The following FNBP1L variants were observed in gnomAD, a reference collection of about 807,000 sequenced individuals.
FNBP1L encodes formin binding protein 1 like.
FNBP1L carries 36 observed loss-of-function variants against 91.2 expected under a neutral mutation model. The ratio of observed to expected loss-of-function variants is 0.39; its 90% CI spans 0.30 to 0.52. FNBP1L has a LOEUF of 0.52. Among genes scored for constraint, FNBP1L ranks in the 20% least tolerant of loss-of-function variants. The pLI, the probability that FNBP1L is intolerant of heterozygous loss-of-function variation, is 0.66. For missense variants in FNBP1L, 571 were observed against 732.1 expected (o/e 0.78, Z 2.54); for synonymous variants, 242 against 237.0 (o/e 1.02, Z -0.19).
chr1:93,475,889 C>G (rs1195973935), intron 1 of FNBP1L, among the ~76,000 whole-genome samples: 5 of 152,094 alleles, frequency 3.3e-5, no homozygotes, highest in African/African-American at 1.2e-4. Context: ...ATTGTGAAAT[C>G]AGAAATTCTT....
chr1:93,545,639 G>T (rs1191817060), intron 12 of FNBP1L, among the ~76,000 whole-genome samples: 2 of 152,102 alleles, frequency 1.3e-5, no homozygotes, highest in Non-Finnish European at 2.9e-5. Context: ...TGTGATAAAA[G>T]ATAATTGAAA....
Position 93,524,328 on chromosome 1 carries a change from G to A in FNBP1L, c.405+5G>A. On this transcript the variant is annotated splice_donor_5th_base_variant and intron_variant, in intron 5 of 16. Transcript: ENST00000271234. The stretch of plus-strand genomic sequence containing the variant: ...TGCTGGAAACAGATGGATAATGTGA[G>A]TTATGACATTTTCATGGTTAACATA... 6.7e-7 allele frequency: 1 copy of A among 1,487,888 alleles called. No homozygotes were observed. The highest frequency in any genetic ancestry group is 1.4e-5 in the South Asian group (1 of 70,446). 92.2% of individuals were successfully genotyped at this position (1,487,888 alleles called of 1,614,324 possible). A position where few individuals can be genotyped will look rare whatever the true frequency, so the allele number is the denominator to read the frequency against.
At chr1:93,515,314 G>A (rs1448281924) in intron 2 of FNBP1L, among the ~76,000 whole-genome samples, 1 of 151,304 alleles carries the variant, frequency 6.6e-6, no homozygotes, top group Non-Finnish European at 1.5e-5. Flanking sequence ...TACACTGTTG[G>A]TGGGACTGTA....
At chr1:93,516,362 A>C (rs768577691) in intron 2 of FNBP1L, among the ~76,000 whole-genome samples, 1 of 152,118 alleles carries the variant, frequency 6.6e-6, no homozygotes. Context: ...TACCTGTTAA[A>C]AGCTCCCTCC....
At chr1:93,462,215 T>TA (rs1668892843) in intron 1 of FNBP1L, among the ~76,000 whole-genome samples, 1 of 152,242 alleles carries the variant, frequency 6.6e-6, no homozygotes, top group African/African-American at 2.4e-5. Context: ...CTTAGTCACC[T>TA]AAATATAATA....
At chr1:93,465,451 G>C (rs1376377761) in intron 1 of FNBP1L, among the ~76,000 whole-genome samples, 3 of 151,884 alleles carry the variant, frequency 2.0e-5, no homozygotes, top group Non-Finnish European at 2.9e-5. Flanking sequence ...AGAACATGTG[G>C]TGTTTGGTTT....
chr1:93,542,766 TTTTC>T (rs1204627664), intron 11 of FNBP1L, among the ~76,000 whole-genome samples: 2 of 150,136 alleles, frequency 1.3e-5, no homozygotes, highest in Non-Finnish European at 3.0e-5. Flanking sequence ...TTCTTTTTTC[TTTTC>T]TTTACCTTTT....
At position 93,532,866 on chromosome 1, in the gene FNBP1L, T is replaced by C. The variant is rs957112860; in HGVS notation, c.640-56T>C. On this transcript the variant is annotated intron_variant, in intron 7 of 16. Transcript: ENST00000271234. Reference sequence around the variant, plus strand: ...GATGGGGGATCACTAATTGAACTCCTTTAGAATGATTGAAAAATTCAGTTT... The same window carrying C: ...GATGGGGGATCACTAATTGAACTCCCTTAGAATGATTGAAAAATTCAGTTT... 4 of 1,420,308 alleles carry C rather than the reference T, an allele frequency of 2.8e-6. No individual in the cohort carries two copies. In the Admixed American group the frequency reaches 6.3e-5, roughly 22 times the overall value. The allele number at this position is 1,420,308 out of a possible 1,614,324, so 88.0% of individuals were successfully genotyped here.
rs145811979 is a variant in FNBP1L at position 93,464,404 on chromosome 1, T to G, written c.24+16099T>G. Among the ~76,000 whole-genome samples, 290 of 152,298 alleles carry G rather than the reference T, an allele frequency of 1.9e-3. 2 individuals are homozygous for G. The highest frequency in any genetic ancestry group is 6.7e-3 in the African/African-American group (279 of 41,554). On this transcript the variant is annotated intron_variant, in intron 1 of 16. Transcript: ENST00000271234. ...AACACAATATTTGTATTCTGAAAAT[T>G]GCCTCTATGTTTCTATCATATGTCT...
rs150344707 is a variant in FNBP1L at position 93,479,603 on chromosome 1, C to G, written c.25-19865C>G. 1.1e-3 allele frequency among the ~76,000 whole-genome samples: 171 copies of G among 152,260 alleles called. 2 individuals are homozygous for G. The highest frequency in any genetic ancestry group is 3.8e-3 in the African/African-American group (156 of 41,556). On this transcript the variant is annotated intron_variant, in intron 1 of 16. Transcript: ENST00000271234. ...GAGCAGCCGTTTATAGACCTCCCCC[C>G]AGGAATGCAATTCTTTTCCTTCCTA...
chr1:93,475,242 A>G, intron 1 of FNBP1L, among the ~76,000 whole-genome samples: 1 of 152,044 alleles, frequency 6.6e-6, no homozygotes, highest in East Asian at 1.9e-4. Flanking sequence ...CTGAAAATAT[A>G]TAATAAAAAA....
At chr1:93,545,809 C>A (rs1672203703) in intron 12 of FNBP1L, among the ~76,000 whole-genome samples, 1 of 150,272 alleles carries the variant, frequency 6.7e-6, no homozygotes, top group African/African-American at 2.5e-5. Context: ...GTTGTACTTT[C>A]ACCTGATTGG....
intron 1 of FNBP1L, among the ~76,000 whole-genome samples, chr1:93,472,671 G>A (rs890804648): frequency 6.6e-6 from 1 of 151,764 alleles, no homozygotes; most frequent in East Asian, 1.9e-4. Context: ...AATTAGCCAG[G>A]CGTGTTGGCG....
intron 1 of FNBP1L, among the ~76,000 whole-genome samples, chr1:93,452,125 A>ATTG (rs906609808): frequency 6.6e-6 from 1 of 152,178 alleles, no homozygotes; most frequent in African/African-American, 2.4e-5. Flanking sequence ...TTAAATTTAC[A>ATTG]TTGTAAGTGA....
At chr1:93,485,450 A>T (rs189845039) in intron 1 of FNBP1L, among the ~76,000 whole-genome samples, 2 of 152,198 alleles carry the variant, frequency 1.3e-5, no homozygotes, top group Non-Finnish European at 2.9e-5. Flanking sequence ...CATAAAACCT[A>T]TGTATTGTAT....
At chr1:93,513,717 G>C (rs1309494839) in intron 2 of FNBP1L, among the ~76,000 whole-genome samples, 13 of 152,092 alleles carry the variant, frequency 8.5e-5, no homozygotes, top group South Asian at 2.1e-4. Context: ...CAAAATTCAA[G>C]AACCCTTCAT....
chr1:93,540,857 T>G (rs2101767954), intron 10 of FNBP1L, among the ~76,000 whole-genome samples, 185 bp from the exon 11 acceptor site: 1 of 152,086 alleles, frequency 6.6e-6, no homozygotes, highest in Non-Finnish European at 1.5e-5. Flanking sequence ...TTTTTTTTTT[T>G]TTTTGCAAGT....
At chr1:93,467,119 A>G (rs1177511314) in intron 1 of FNBP1L, among the ~76,000 whole-genome samples, 2 of 152,210 alleles carry the variant, frequency 1.3e-5, no homozygotes, top group Non-Finnish European at 2.9e-5. Context: ...GGCCTCCCAA[A>G]GTGCTGGAAT....
chr1:93,530,854 T>A lies in FNBP1L; in HGVS notation c.610T>A (p.Phe204Ile). 1 of 1,545,478 alleles carries A rather than the reference T, an allele frequency of 6.5e-7. No homozygotes were observed. Among genetic ancestry groups the A allele is most frequent in the Non-Finnish European group, 8.8e-7 (1 of 1,141,846 alleles). ...CTTTAATGGAGAACAACATAAACAT[T>A]TTTATGTAGTGATTCCTCAGATTTA... ...QNFNGEQHKHFYVVIPQIYKQ... is the reference protein window; with the variant it reads ...QNFNGEQHKHIYVVIPQIYKQ... Residue 204 changes from phenylalanine (F) to isoleucine (I), a missense_variant, in exon 7 of 17, where the codon TTT becomes ATT. Coordinates refer to ENST00000271234, the MANE Select transcript of FNBP1L (RefSeq NM_001164473.3).
Sources: gnomAD v4.1 joint callset for allele counts (sites outside exome capture counted in the v4.1 genomes callset) on GRCh38, gnomAD v4.1.1 for gene constraint, MANE v1.5 for transcripts, NCBI Gene and HGNC (gene_info 2026-07-23, HGNC 2026-07-21) for gene names.